GADL1: variants seen among roughly 807,000 people sequenced by gnomAD.
GADL1 encodes GAD like acidic amino acid decarboxylase 1.
In GADL1, 71 loss-of-function variants were observed where a neutral mutation model predicts 69.5. The observed-to-expected ratio is 1.02, with a 90% confidence interval of 0.84 to 1.25. The LOEUF is 1.25. Among genes scored for constraint, GADL1 ranks in the 50% most tolerant of loss-of-function variants. The pLI, the probability that GADL1 is intolerant of heterozygous loss-of-function variation, is 0.00. For synonymous variants in GADL1, 254 were observed against 214.4 expected, an observed-to-expected ratio of 1.18 and a Z score of -1.62; for missense variants, 737 against 631.8, an observed-to-expected ratio of 1.17 and a Z score of -1.79.
chr3:30,829,254 A>T (rs17026643), intron 11 of GADL1, among the ~76,000 whole-genome samples: 3 of 151,486 alleles, frequency 2.0e-5, no homozygotes, highest in African/African-American at 7.3e-5. Context: ...TTCAAAGAGG[A>T]TTAGTGATAG....
At chr3:30,773,052 A>C (rs1009127148) in intron 14 of GADL1, among the ~76,000 whole-genome samples, 5 of 152,174 alleles carry the variant, frequency 3.3e-5, no homozygotes, top group Non-Finnish European at 5.9e-5. Context: ...CATATTGGAC[A>C]CAATACCTGG....
intron 6 of GADL1, among the ~76,000 whole-genome samples, chr3:30,846,048 A>G (rs1698048477): frequency 6.9e-6 from 1 of 143,892 alleles, no homozygotes; most frequent in Non-Finnish European, 1.5e-5. Context: ...TCTGAGATAG[A>G]TAGATCAAAA....
At chr3:30,736,348 C>T (rs906398455) in intron 14 of GADL1, among the ~76,000 whole-genome samples, 1 of 152,094 alleles carries the variant, frequency 6.6e-6, no homozygotes, top group Non-Finnish European at 1.5e-5. Context: ...TTTAACTCCT[C>T]TGGGAATCAT....
At chr3:30,855,777 C>A (rs1013543064) in intron 3 of GADL1, among the ~76,000 whole-genome samples, 1 of 151,812 alleles carries the variant, frequency 6.6e-6, no homozygotes, top group African/African-American at 2.4e-5. Context: ...ATTTGGGAAT[C>A]ATTTAATTTG....
Position 30,894,621 on chromosome 3 carries a change from T to C in GADL1, c.-7A>G. ...GGTCCGAGTCGCTGCTCATCTCCGC[T>C]CCCCCACTCCAGGCTGCCCCGGGCG... On this transcript the variant is annotated 5_prime_UTR_variant, in exon 1 of 15. Transcript: ENST00000282538. 6.5e-7 allele frequency: 1 copy of C among 1,550,298 alleles called. No individual in the cohort carries two copies. The highest frequency in any genetic ancestry group is 8.7e-7 in the Non-Finnish European group (1 of 1,146,410).
chr3:30,836,865 G>A (rs1325279469), intron 9 of GADL1, among the ~76,000 whole-genome samples: 2 of 152,096 alleles, frequency 1.3e-5, no homozygotes, highest in African/African-American at 4.8e-5. Flanking sequence ...TTGCCCTCAT[G>A]AAGGAAGAGA....
intron 11 of GADL1, among the ~76,000 whole-genome samples, chr3:30,807,317 A>G (rs1267133657): frequency 6.6e-6 from 1 of 152,232 alleles, no homozygotes; most frequent in Non-Finnish European, 1.5e-5. Flanking sequence ...AAATGAACAT[A>G]TTACAACCCT....
Position 30,855,320 on chromosome 3 carries a change from T to C in GADL1, c.338-531A>G, listed in dbSNP as rs541520315. ...CAACCCAGACCCAAACCAGAACCCT[T>C]AAATAATTATTTGAACACTATTTGT... On this transcript the variant is annotated intron_variant, in intron 3 of 14. Coordinates refer to ENST00000282538, the MANE Select transcript of GADL1 (RefSeq NM_207359.3). Among the ~76,000 whole-genome samples the C allele has an allele frequency of 8.7e-4, 133 of 152,220 alleles. 1 individual carries two copies. Among genetic ancestry groups the C allele is most frequent in the Middle Eastern group, 3.4e-3 (1 of 294 alleles).
Position 30,894,625 on chromosome 3 carries a change from C to T in GADL1, c.-11G>A, listed in dbSNP as rs1698832687. ...CGAGTCGCTGCTCATCTCCGCTCCC[C>T]CACTCCAGGCTGCCCCGGGCGCGGC... On this transcript the variant is annotated 5_prime_UTR_variant, in exon 1 of 15. Transcript: ENST00000282538. The T allele has an allele frequency of 6.4e-7, 1 of 1,550,470 alleles. No individual in the cohort carries two copies. Among genetic ancestry groups the T allele is most frequent in the Non-Finnish European group, 8.7e-7 (1 of 1,146,428 alleles).
intron 1 of GADL1, among the ~76,000 whole-genome samples, chr3:30,868,672 T>G (rs1200302844): frequency 1.3e-5 from 2 of 151,930 alleles, no homozygotes; most frequent in Non-Finnish European, 2.9e-5. Flanking sequence ...CTATATGAAC[T>G]CTCTTTTGGC....
At chr3:30,765,166 GTTC>G (rs1381568054) in intron 14 of GADL1, among the ~76,000 whole-genome samples, 1 of 152,126 alleles carries the variant, frequency 6.6e-6, no homozygotes, top group African/African-American at 2.4e-5. Flanking sequence ...CCATCAAAAT[GTTC>G]ATCTCCCCTA....
At chr3:30,803,111 A>C (rs955360925) in intron 11 of GADL1, among the ~76,000 whole-genome samples, 1 of 152,184 alleles carries the variant, frequency 6.6e-6, no homozygotes, top group African/African-American at 2.4e-5. Context: ...AAGAAAAATA[A>C]ATATTAGTAT....
At chr3:30,876,687 TC>T (rs1238084004) in intron 1 of GADL1, among the ~76,000 whole-genome samples, 1 of 141,792 alleles carries the variant, frequency 7.1e-6, no homozygotes, top group Admixed American at 7.7e-5. Flanking sequence ...CAGAACCTAC[TC>T]TTGCCCACTT....
At chr3:30,768,239 G>T (rs1317440586) in intron 14 of GADL1, among the ~76,000 whole-genome samples, 1 of 152,150 alleles carries the variant, frequency 6.6e-6, no homozygotes, top group Admixed American at 6.6e-5. Flanking sequence ...AGCAAAAGCA[G>T]ATGTGAGCAA....
intron 1 of GADL1, among the ~76,000 whole-genome samples, chr3:30,875,354 T>A (rs1658908201): frequency 6.6e-6 from 1 of 151,864 alleles, no homozygotes; most frequent in African/African-American, 2.4e-5. Flanking sequence ...AAATTCATAT[T>A]CCTCTCATCC....
intron 1 of GADL1, among the ~76,000 whole-genome samples, chr3:30,871,776 C>T (rs1698486188): frequency 6.6e-6 from 1 of 151,816 alleles, no homozygotes; most frequent in Admixed American, 6.6e-5. Flanking sequence ...CCATAAACAC[C>T]ATCCAGCTTC....
chr3:30,816,282 G>A (rs1227359846), intron 11 of GADL1, among the ~76,000 whole-genome samples: 1 of 152,074 alleles, frequency 6.6e-6, no homozygotes, highest in Admixed American at 6.6e-5. Flanking sequence ...TTTCATGAGA[G>A]AAACAGTAGG....
intron 1 of GADL1, among the ~76,000 whole-genome samples, chr3:30,894,102 G>T (rs1009132730): frequency 2.0e-5 from 3 of 152,208 alleles, no homozygotes; most frequent in Admixed American, 6.5e-5. Context: ...TCAATCTGCA[G>T]CTCTGAACCA....
chr3:30,848,118 A>T (rs1267713075), intron 6 of GADL1, among the ~76,000 whole-genome samples: 2 of 152,212 alleles, frequency 1.3e-5, no homozygotes, highest in Non-Finnish European at 2.9e-5. Flanking sequence ...ACATTGAAAC[A>T]TCCAGGGCTG....
Sources: allele counts gnomAD v4.1 joint callset (sites outside exome capture counted in the v4.1 genomes callset), GRCh38; gene constraint gnomAD v4.1.1; transcripts MANE v1.5; gene names NCBI Gene and HGNC (gene_info 2026-07-23, HGNC 2026-07-21).